RNPEP: variants seen among roughly 807,000 people sequenced by gnomAD.
The protein encoded by RNPEP is aminopeptidase B.
A neutral mutation model predicts 70.1 loss-of-function variants in RNPEP; 57 were observed. The observed-to-expected ratio is 0.81, with a 90% confidence interval of 0.66 to 1.01. The LOEUF (loss-of-function observed/expected upper bound fraction) is 1.01, where lower values mean the gene tolerates loss of function less well. Among genes scored for constraint, RNPEP ranks in the 50% least tolerant of loss-of-function variants. The pLI, the probability that RNPEP is intolerant of heterozygous loss-of-function variation, is 0.00. For missense variants in RNPEP, 787 were observed against 852.4 expected (o/e 0.92, Z 0.96); for synonymous variants, 335 against 357.4 (o/e 0.94, Z 0.71).
At chr1:202,002,288 C>G (rs1296270248) in intron 8 of RNPEP, among the ~76,000 whole-genome samples, 1 of 152,042 alleles carries the variant, frequency 6.6e-6, no homozygotes, top group Non-Finnish European at 1.5e-5. Context: ...CTCAGCCTCC[C>G]GAGTAGCTGG....
Position 202,001,381 on chromosome 1 carries a change from G to A in RNPEP, c.1210G>A (p.Asp404Asn). Residue 404 changes from aspartate to asparagine, a missense_variant, in exon 7 of 11, where the codon GAC becomes AAC. Physicochemically the swap from Asp to Asn is conservative, Grantham distance 23. Coordinates refer to ENST00000295640, the MANE Select transcript of RNPEP (RefSeq NM_020216.4). Reference protein sequence around the residue: ...KLRVKIEPGVDPDDTYNETPY... With the variant: ...KLRVKIEPGVNPDDTYNETPY... Reference sequence around the variant, plus strand: ...TCTGCTTTCTCCTCTGCCAGGCGTTGACCCGGACGACACCTATAATGAGAC... The same window carrying A: ...TCTGCTTTCTCCTCTGCCAGGCGTTAACCCGGACGACACCTATAATGAGAC... 6.2e-7 allele frequency: 1 copy of A among 1,612,742 alleles called. No individual in the cohort carries two copies. The highest frequency in any genetic ancestry group is 8.5e-7 in the Non-Finnish European group (1 of 1,178,794).
Position 201,984,215 on chromosome 1 carries a change from G to A in RNPEP, c.447+1102G>A, listed in dbSNP as rs1448152979. 5.3e-5 allele frequency among the ~76,000 whole-genome samples: 8 copies of A among 152,222 alleles called. No individual in the cohort carries two copies. In the South Asian group the frequency reaches 1.0e-3, roughly 20 times the overall value. ...CCCAAAGTGCTGGGATTACAGGCGT[G>A]AGCCACTGCGCCCGGCCCACAGCTT... is the stretch of plus-strand genomic sequence containing the variant. On this transcript the variant is annotated intron_variant, in intron 1 of 10. Transcript: ENST00000295640.
intron 1 of RNPEP, chr1:201,983,725 T>C (rs1262566615): frequency 1.8e-6 from 2 of 1,139,498 alleles, no homozygotes; most frequent in Non-Finnish European, 2.2e-6. Flanking sequence ...ATAAGCATTA[T>C]AATAATTTGG....
At chr1:202,003,201 G>T in intron 8 of RNPEP, 36 bp from the exon 9 acceptor site, 1 of 1,546,480 alleles carries the variant, frequency 6.5e-7, no homozygotes, top group Non-Finnish European at 8.9e-7. Context: ...AACCTGGCCA[G>T]AGAATTCTGA....
chr1:201,997,694 TGTATGAATTGTCAAACCACACATG>T (rs1230795500), intron 5 of RNPEP, 140 bp downstream of exon 5: 2 of 579,828 alleles, frequency 3.4e-6, no homozygotes, highest in African/African-American at 3.8e-5. Context: ...TTTTTCTGTA[TGTATGAATTGTCAAACCACACATG>T]GTTTGACAAC....
intron 3 of RNPEP, among the ~76,000 whole-genome samples, chr1:201,993,665 G>A (rs1441296372): frequency 6.6e-6 from 1 of 151,768 alleles, no homozygotes; most frequent in East Asian, 1.9e-4. Context: ...TGTAGTCCCA[G>A]CTACTTGGGA....
chr1:201,996,446 G>T, intron 4 of RNPEP, 183 bp downstream of exon 4: 2 of 614,102 alleles, frequency 3.3e-6, no homozygotes. Context: ...TGAGGAGAGG[G>T]CCTAGGAGAT....
intron 3 of RNPEP, among the ~76,000 whole-genome samples, chr1:201,992,456 C>G (rs1683375184): frequency 6.6e-6 from 1 of 152,190 alleles, no homozygotes. Flanking sequence ...CATATCTGAA[C>G]TTTTAAGGCC....
Position 201,989,312 on chromosome 1 carries a change from A to C in RNPEP, c.589-71A>C. On this transcript the variant is annotated intron_variant, in intron 2 of 10. Coordinates refer to ENST00000295640, the MANE Select transcript of RNPEP (RefSeq NM_020216.4). ...TATCATCACACACAGGTGGCCGGTC[A>C]TGCTCTTATTCAAACTAATCAAAAG... 4 of 1,554,674 alleles carry C rather than the reference A, an allele frequency of 2.6e-6. No individual in the cohort carries two copies. The South Asian group carries it at 4.8e-5, about 19-fold the overall frequency.
At chr1:201,990,448 T>TC (rs546410035) in intron 3 of RNPEP, among the ~76,000 whole-genome samples, 159 of 152,366 alleles carry the variant, frequency 1.0e-3, no homozygotes, top group African/African-American at 3.6e-3. Flanking sequence ...TATAGGTTTT[T>TC]CCTGGCTCTC....
Position 202,005,716 on chromosome 1 carries a change from G to A in RNPEP, c.1953G>A (p.Ter651=). 6.2e-7 allele frequency: 1 copy of A among 1,614,134 alleles called. No homozygotes were observed. The highest frequency in any genetic ancestry group is 8.5e-7 in the Non-Finnish European group (1 of 1,179,950). ...VQQIVAPKGS[*] is the part of the protein sequence containing the mutation. ...AGATCGTGGCACCCAAGGGCAGTTA[G>A]AGGCTCGTGTGCATGGCCCCTGCCT... Residue 651 remains the stop codon, a stop_retained_variant, in exon 11 of 11, where the codon TAG becomes TAA. Transcript: ENST00000295640.
chr1:201,995,461 T>C, intron 3 of RNPEP, among the ~76,000 whole-genome samples: 1 of 151,920 alleles, frequency 6.6e-6, no homozygotes, highest in East Asian at 1.9e-4. Context: ...GGCAGGTGAA[T>C]CACTTGAGCC....
intron 1 of RNPEP, among the ~76,000 whole-genome samples, chr1:201,986,675 G>A (rs1683143935): frequency 6.6e-6 from 1 of 151,642 alleles, no homozygotes; most frequent in South Asian, 2.1e-4. Flanking sequence ...GAAGTAGCTG[G>A]GACTATAGGC....
intron 1 of RNPEP, among the ~76,000 whole-genome samples, chr1:201,984,265 A>G (rs1683046858): frequency 6.6e-6 from 1 of 152,174 alleles, no homozygotes. Flanking sequence ...GGGAGACATG[A>G]TACATCAGTC....
At chr1:201,994,391 T>C (rs1334850542) in intron 3 of RNPEP, among the ~76,000 whole-genome samples, 3 of 152,182 alleles carry the variant, frequency 2.0e-5, no homozygotes, top group African/African-American at 7.2e-5. Flanking sequence ...AGGCTCTTCA[T>C]GACCCGACCC....
intron 8 of RNPEP, 46 bp from the exon 9 acceptor site, chr1:202,003,191 A>C: frequency 2.7e-6 from 4 of 1,485,524 alleles, no homozygotes; most frequent in Non-Finnish European, 3.7e-6. Context: ...AGTTGACCGT[A>C]ACCTGGCCAG....
chr1:201,991,223 T>G (rs931369769), intron 3 of RNPEP, among the ~76,000 whole-genome samples: 6 of 152,176 alleles, frequency 3.9e-5, no homozygotes, highest in African/African-American at 1.4e-4. Context: ...CAAGTGATTC[T>G]CCTGCCTCAG....
At chr1:201,994,439 C>A (rs1244977587) in intron 3 of RNPEP, among the ~76,000 whole-genome samples, 1 of 152,116 alleles carries the variant, frequency 6.6e-6, no homozygotes, top group Non-Finnish European at 1.5e-5. Context: ...GCCACTGCCT[C>A]CCTCATTGCA....
chr1:201,988,827 C>T (rs1411399063), intron 1 of RNPEP, 77 bp from the exon 2 acceptor site: 1 of 1,502,256 alleles, frequency 6.7e-7, no homozygotes, highest in Non-Finnish European at 8.9e-7. Context: ...TTCTCTCATT[C>T]CAGCCAGCTC....
Sources: allele counts gnomAD v4.1 joint callset (sites outside exome capture counted in the v4.1 genomes callset), GRCh38; gene constraint gnomAD v4.1.1; transcripts MANE v1.5; gene names NCBI Gene and HGNC (gene_info 2026-07-23, HGNC 2026-07-21).